CPO: variants seen among roughly 807,000 people sequenced by gnomAD.
CPO encodes the protein metallocarboxypeptidase C.
Under a neutral mutation model 41.2 loss-of-function variants are expected in CPO, and 43 were observed. That is an observed-to-expected ratio of 1.04 (90% CI 0.82 to 1.35). The LOEUF is 1.35. CPO is among the 40% of genes most tolerant of loss of function. The pLI, the probability that CPO is intolerant of heterozygous loss-of-function variation, is 0.00. For synonymous variants in CPO, 178 were observed against 162.7 expected (o/e 1.09, Z -0.72); for missense variants, 408 against 451.7 (o/e 0.90, Z 0.88).
At chr2:206,953,191 T>C (rs1455108286) in intron 2 of CPO, among the ~76,000 whole-genome samples, 1 of 152,020 alleles carries the variant, frequency 6.6e-6, no homozygotes, top group Non-Finnish European at 1.5e-5. Context: ...TTCCCAACAG[T>C]CCCCCAAAGT....
In CPO at chr2:206,959,220, T is replaced by A. The variant is rs373054380; in HGVS notation, c.373-411T>A. On this transcript the variant is annotated intron_variant, in intron 4 of 8. Coordinates refer to ENST00000272852, the MANE Select transcript of CPO (RefSeq NM_173077.3). ...AAAGTAATATAGAATACTTTCTTGG[T>A]CAGTTTTTTCAGAAACCCAAACACA... 3.3e-5 allele frequency among the ~76,000 whole-genome samples: 5 copies of A among 152,332 alleles called. No individual in the cohort carries two copies. The South Asian group carries it at 6.2e-4, about 19-fold the overall frequency.
intron 3 of CPO, among the ~76,000 whole-genome samples, chr2:206,957,808 G>A (rs775388780): frequency 5.3e-5 from 8 of 152,158 alleles, no homozygotes; most frequent in Non-Finnish European, 1.2e-4. Flanking sequence ...GTCTCTGAGG[G>A]GAAGGGGAAT....
At chr2:206,962,657 AC>A in intron 7 of CPO, 43 bp downstream of exon 7, 1 of 1,481,892 alleles carries the variant, frequency 6.7e-7, no homozygotes, top group Non-Finnish European at 9.4e-7. Flanking sequence ...CCTCAGCAAG[AC>A]CTCTGCCTTC....
chr2:206,955,664 A>G, intron 3 of CPO, 100 bp downstream of exon 3: 1 of 756,752 alleles, frequency 1.3e-6, no homozygotes, highest in South Asian at 1.5e-5. Context: ...AAAAGAGGCT[A>G]TGCAGAATCA....
intron 2 of CPO, among the ~76,000 whole-genome samples, chr2:206,951,099 A>T (rs1369587612): frequency 7.5e-6 from 1 of 133,254 alleles, no homozygotes; most frequent in African/African-American, 2.8e-5. Flanking sequence ...AAGGGGTGGA[A>T]CCAAAAAAAA....
At chr2:206,961,562 T>G (rs1268451817) in intron 6 of CPO, among the ~76,000 whole-genome samples, 2 of 152,150 alleles carry the variant, frequency 1.3e-5, no homozygotes, top group African/African-American at 2.4e-5. Context: ...AATGGGATGC[T>G]ACATGGGAAG....
In CPO at chr2:206,950,560, C is replaced by T. The variant is rs180769180; in HGVS notation, c.165+847C>T. On this transcript the variant is annotated intron_variant, in intron 2 of 8. Coordinates refer to ENST00000272852, the MANE Select transcript of CPO (RefSeq NM_173077.3). ...CTAGAACTAGAAATACTATTTGACCCAGCAATCCCATTACTGGGCATATAC... is the reference window on the plus strand; with the variant it reads ...CTAGAACTAGAAATACTATTTGACCTAGCAATCCCATTACTGGGCATATAC... Among the ~76,000 whole-genome samples the T allele has an allele frequency of 3.1e-3, 477 of 152,238 alleles. 1 individual carries two copies. Among genetic ancestry groups the T allele is most frequent in the African/African-American group, 0.011 (463 of 41,538 alleles).
chr2:206,958,737 T>G (rs1232449688), intron 4 of CPO, among the ~76,000 whole-genome samples: 1 of 141,046 alleles, frequency 7.1e-6, no homozygotes, highest in East Asian at 2.0e-4. Flanking sequence ...AGTTTTTTTT[T>G]TTTTTTTTTT....
intron 2 of CPO, among the ~76,000 whole-genome samples, chr2:206,951,332 C>G (rs925323967): frequency 2.6e-5 from 4 of 152,156 alleles, no homozygotes; most frequent in African/African-American, 9.7e-5. Context: ...AAATTGGATA[C>G]AGTGAAAAAT....
intron 1 of CPO, among the ~76,000 whole-genome samples, chr2:206,943,978 C>G (rs948239919): frequency 6.6e-6 from 1 of 152,004 alleles, no homozygotes. Context: ...TACCTCATGC[C>G]TTGTTATTTA....
intron 7 of CPO, among the ~76,000 whole-genome samples, chr2:206,962,958 G>A (rs900193788): frequency 1.1e-4 from 17 of 152,196 alleles, no homozygotes; most frequent in African/African-American, 3.4e-4. Flanking sequence ...AGCAATTACA[G>A]CTTTTGAACC....
chr2:206,962,464 A>G lies in CPO; in HGVS notation c.627A>G (p.Pro209=), dbSNP rs947200279. 1.9e-6 allele frequency: 3 copies of G among 1,614,212 alleles called. No individual in the cohort carries two copies. In the African/African-American group the frequency reaches 4.0e-5, roughly 22 times the overall value. Residue 209 remains proline, a synonymous_variant, in exon 7 of 9, where the codon CCA becomes CCG. Transcript: ENST00000272852. The part of the protein sequence containing the change: ...CQDQTFCGTG[P]VSEPETKAVA... ...ATCAAACATTCTGTGGGACAGGGCC[A>G]GTGTCTGAACCAGAGACTAAAGCTG...
intron 2 of CPO, among the ~76,000 whole-genome samples, chr2:206,952,417 A>T (rs1397272092): frequency 6.6e-6 from 1 of 152,146 alleles, no homozygotes; most frequent in East Asian, 1.9e-4. Flanking sequence ...CCAGCCAATT[A>T]ACTATTATTT....
chr2:206,962,647 C>G, intron 7 of CPO, 33 bp downstream of exon 7: 4 of 1,548,738 alleles, frequency 2.6e-6, no homozygotes, highest in Non-Finnish European at 3.6e-6. Context: ...TCCAGAAAAA[C>G]CTCAGCAAGA....
intron 1 of CPO, among the ~76,000 whole-genome samples, chr2:206,948,547 T>C (rs1693191033): frequency 6.6e-6 from 1 of 152,116 alleles, no homozygotes; most frequent in Non-Finnish European, 1.5e-5. Flanking sequence ...GAGGATTGCT[T>C]GAGGCCGGGA....
Position 206,958,347 on chromosome 2 carries a change from G to A in CPO, c.314G>A (p.Cys105Tyr). Residue 105 changes from cysteine to tyrosine, a missense_variant, in exon 4 of 9, where the codon TGT (cysteine) becomes TAT (tyrosine). Physicochemically the swap from Cys to Tyr is radical, Grantham distance 194 (BLOSUM62 -2). Transcript: ENST00000272852. The part of the protein sequence containing the change: ...GNPKKIIWMD[C>Y]GIHAREWIAP... ...CCCAAGAAAATCATTTGGATGGACTGTGGAATTCACGCCAGAGAATGGATT... is the reference window on the plus strand; with the variant it reads ...CCCAAGAAAATCATTTGGATGGACTATGGAATTCACGCCAGAGAATGGATT... The A allele has an allele frequency of 1.2e-6, 2 of 1,602,488 alleles. No homozygotes were observed. Among genetic ancestry groups the A allele is most frequent in the Non-Finnish European group, 8.5e-7 (1 of 1,174,672 alleles).
intron 1 of CPO, among the ~76,000 whole-genome samples, chr2:206,944,124 C>G (rs1320054787): frequency 6.6e-6 from 1 of 151,932 alleles, no homozygotes; most frequent in African/African-American, 2.4e-5. Flanking sequence ...AGAATATATA[C>G]CCACTGGGTG....
intron 8 of CPO, 25 bp from the exon 9 acceptor site, chr2:206,969,149 T>C (rs1474738613): frequency 6.2e-7 from 1 of 1,610,780 alleles, no homozygotes; most frequent in South Asian, 1.1e-5. Context: ...GACTTCTACC[T>C]CTGCCTTCAT....
intron 6 of CPO, 28 bp downstream of exon 6, chr2:206,960,970 T>C: frequency 7.1e-7 from 1 of 1,412,444 alleles, no homozygotes; most frequent in African/African-American, 1.4e-5. Context: ...AGATGAATTA[T>C]GAACAAATAA....
Sources: allele counts gnomAD v4.1 joint callset (sites outside exome capture counted in the v4.1 genomes callset), GRCh38; gene constraint gnomAD v4.1.1; transcripts MANE v1.5; gene names NCBI Gene and HGNC (gene_info 2026-07-23, HGNC 2026-07-21).